The following PCDH15 variants were observed in gnomAD, a reference collection of about 807,000 sequenced individuals.
PCDH15 encodes the protein protocadherin related 15.
PCDH15 carries 129 observed loss-of-function variants against 178.5 expected under a neutral mutation model. The observed-to-expected ratio is 0.72, with a 90% CI of 0.63 to 0.84. PCDH15 has a LOEUF of 0.84. Ranked by LOEUF, PCDH15 falls within the 40% of genes least tolerant of loss-of-function variation. PCDH15 has a pLI of 0.00. For synonymous variants in PCDH15, 800 were observed against 732.0 expected, an observed-to-expected ratio of 1.09 and a Z score of -1.50; for missense variants, 2,230 against 2,099.9, an observed-to-expected ratio of 1.06 and a Z score of -1.21.
At chr10:54,468,034 T>C (rs2077646697) in intron 3 of PCDH15, among the ~76,000 whole-genome samples, 2 of 152,004 alleles carry the variant, frequency 1.3e-5, no homozygotes, top group Non-Finnish European at 2.9e-5. Context: ...TCTGATTTAT[T>C]TGGGTCCTCT....
At chr10:54,036,685 G>T (rs2093424940) in intron 18 of PCDH15, among the ~76,000 whole-genome samples, 1 of 151,830 alleles carries the variant, frequency 6.6e-6, no homozygotes, top group African/African-American at 2.4e-5. Context: ...TTGTTTTCTT[G>T]CCTGTTAACA....
intron 15 of PCDH15, among the ~76,000 whole-genome samples, chr10:54,105,332 A>G (rs992686841): frequency 7.5e-5 from 7 of 93,002 alleles, no homozygotes; most frequent in Admixed American, 4.5e-4. Flanking sequence ...ACACACATAC[A>G]TATATATACA....
chr10:54,896,029 G>A (rs1378282570), intron 3 of PCDH15, among the ~76,000 whole-genome samples: 1 of 151,872 alleles, frequency 6.6e-6, no homozygotes, highest in Non-Finnish European at 1.5e-5. Flanking sequence ...CAGGACTAGA[G>A]GTGCGTGTCA....
chr10:54,670,523 C>T (rs560494906), intron 1 of PCDH15, among the ~76,000 whole-genome samples: 27 of 152,076 alleles, frequency 1.8e-4, no homozygotes, highest in Non-Finnish European at 3.2e-4. Flanking sequence ...AAATAAATGA[C>T]TGACCAATAT....
intron 1 of PCDH15, among the ~76,000 whole-genome samples, chr10:55,279,073 A>G (rs527311696): frequency 3.3e-5 from 5 of 152,352 alleles, no homozygotes; most frequent in African/African-American, 9.6e-5. Context: ...GGCAAATCTA[A>G]GCTTCGATGC....
At chr10:55,441,795 G>T (rs1425828239) in intron 2 of PCDH15, among the ~76,000 whole-genome samples, 1 of 152,196 alleles carries the variant, frequency 6.6e-6, no homozygotes, top group Non-Finnish European at 1.5e-5. Context: ...CTTTGCAGAT[G>T]TAATTAAGTT....
chr10:54,351,219 A>G (rs1944128333), intron 5 of PCDH15, among the ~76,000 whole-genome samples: 1 of 152,184 alleles, frequency 6.6e-6, no homozygotes, highest in South Asian at 2.1e-4. Context: ...TGTTTCATAG[A>G]TAACTCTTTA....
intron 2 of PCDH15, among the ~76,000 whole-genome samples, chr10:55,444,180 T>C (rs1839263142): frequency 6.6e-6 from 1 of 151,688 alleles, no homozygotes; most frequent in Non-Finnish European, 1.5e-5. Flanking sequence ...AAATACCTAA[T>C]GTAGATGATG....
At chr10:53,850,579 T>C (rs1317528820) in intron 28 of PCDH15, among the ~76,000 whole-genome samples, 1 of 152,164 alleles carries the variant, frequency 6.6e-6, no homozygotes, top group Non-Finnish European at 1.5e-5. Flanking sequence ...TTTTAAAGAA[T>C]AGTAAATTAT....
At position 53,804,320 on chromosome 10, in the gene PCDH15, A is replaced by G. The variant is rs2132342796; in HGVS notation, c.*2259T>C. 1 of 152,118 alleles carries G rather than the reference A, an allele frequency of 6.6e-6. No individual in the cohort carries two copies. The highest frequency in any genetic ancestry group is 1.5e-5 in the Non-Finnish European group (1 of 67,900). 9.4% of individuals were successfully genotyped at this position (152,118 alleles called of 1,614,324 possible). On this transcript the variant is annotated 3_prime_UTR_variant, in exon 38 of 38. Coordinates refer to ENST00000644397, the MANE Select transcript of PCDH15 (RefSeq NM_001384140.1). The stretch of plus-strand genomic sequence containing the variant: ...AAAATGTAGTTTAAAATACAGTGAC[A>G]TCTCATATGTCAGGCCACTAGACTT...
chr10:54,388,297 G>T (rs190011864), intron 3 of PCDH15, among the ~76,000 whole-genome samples: 33 of 152,324 alleles, frequency 2.2e-4, no homozygotes, highest in African/African-American at 7.7e-4. Flanking sequence ...GAGTTTCGTT[G>T]TCAAAGCGTT....
chr10:54,886,448 A>G (rs534794199), intron 3 of PCDH15, among the ~76,000 whole-genome samples: 37 of 152,338 alleles, frequency 2.4e-4, no homozygotes, highest in Non-Finnish European at 4.3e-4. Flanking sequence ...ATTTTGCAAC[A>G]ACTTAGTTGC....
chr10:55,090,593 C>T (rs1221335309), intron 2 of PCDH15, among the ~76,000 whole-genome samples: 1 of 152,004 alleles, frequency 6.6e-6, no homozygotes, highest in Admixed American at 6.6e-5. Flanking sequence ...AAGAAGAGAT[C>T]CTCCTGTTCC....
At chr10:54,770,900 C>T (rs1031933290) in intron 1 of PCDH15, among the ~76,000 whole-genome samples, 1 of 151,998 alleles carries the variant, frequency 6.6e-6, no homozygotes, top group African/African-American at 2.4e-5. Context: ...TGTCCTCCTG[C>T]AAGATTTTAA....
rs543353705 is a variant in PCDH15, at chr10:54,892,672, A to G, written c.-29+4778T>C. On this transcript the variant is annotated intron_variant, in intron 3 of 5. Coordinates refer to the PCDH15 transcript ENST00000458638. ...GAGGATTGATCTGGAATATTCCATC[A>G]CTGAATTAGAGAGATTAATTGAAAA... 3.7e-4 allele frequency among the ~76,000 whole-genome samples: 56 copies of G among 151,482 alleles called. 1 individual carries two copies. The South Asian group carries it at 0.011, about 29-fold the overall frequency.
At chr10:54,289,891 A>G (rs1056053482) in intron 8 of PCDH15, among the ~76,000 whole-genome samples, 4 of 152,332 alleles carry the variant, frequency 2.6e-5, no homozygotes, top group African/African-American at 9.6e-5. Flanking sequence ...GAAATATAGG[A>G]CTATGTGAAA....
intron 2 of PCDH15, among the ~76,000 whole-genome samples, chr10:55,432,867 G>A (rs1011033866): frequency 2.9e-4 from 44 of 151,580 alleles, no homozygotes; most frequent in African/African-American, 8.9e-4. Flanking sequence ...CTCGTGATCC[G>A]CCCGCCTCGG....
intron 3 of PCDH15, among the ~76,000 whole-genome samples, chr10:54,860,602 A>G (rs923923868): frequency 6.6e-6 from 1 of 152,136 alleles, no homozygotes; most frequent in Non-Finnish European, 1.5e-5. Flanking sequence ...AAACAGCGCT[A>G]TGATGAACAT....
intron 2 of PCDH15, among the ~76,000 whole-genome samples, chr10:55,356,439 A>G (rs1845083127): frequency 6.6e-6 from 1 of 151,874 alleles, no homozygotes; most frequent in South Asian, 2.1e-4. Flanking sequence ...TATTGGTAAT[A>G]GGATGGACAT....
Sources: gnomAD v4.1 joint callset for allele counts (sites outside exome capture counted in the v4.1 genomes callset) on GRCh38, gnomAD v4.1.1 for gene constraint, MANE v1.5 for transcripts, NCBI Gene and HGNC (gene_info 2026-07-23, HGNC 2026-07-21) for gene names.